NLRP1: variants seen among roughly 807,000 people sequenced by gnomAD.
The protein encoded by NLRP1 is NACHT, LRR and PYD domains-containing protein 1.
Under a neutral mutation model 136.7 loss-of-function variants are expected in NLRP1, and 94 were observed. The observed-to-expected ratio is 0.69, with a 90% CI of 0.58 to 0.82. The LOEUF is 0.82. Ranked by LOEUF, NLRP1 falls within the 40% of genes least tolerant of loss-of-function variation. NLRP1 has a pLI of 0.00. For synonymous variants in NLRP1, 690 were observed against 725.1 expected (o/e 0.95, Z 0.78); for missense variants, 1,575 against 1,802.7 (o/e 0.87, Z 2.29).
Position 5,559,014 on chromosome 17 carries a change from G to A in NLRP1, c.1682C>T (p.Ala561Val). ...CLHYLAQALQ[A>V]QPLGPQLRDL... ...TCTGAGCTGGGGTCCCAATGGCTGAGCTTGGAGAGCCTGGGCAAGGTAATG... is the reference window on the plus strand; with the variant it reads ...TCTGAGCTGGGGTCCCAATGGCTGAACTTGGAGAGCCTGGGCAAGGTAATG... The change falls in exon 4 of 17, where the codon GCT becomes GTT. Residue 561 changes from alanine (A) to valine (V), a missense_variant. Transcript: ENST00000572272. 6.2e-7 allele frequency: 1 copy of A among 1,614,142 alleles called. No individual in the cohort carries two copies. The highest frequency in any genetic ancestry group is 8.5e-7 in the Non-Finnish European group (1 of 1,180,016).
intron 4 of NLRP1, among the ~76,000 whole-genome samples, chr17:5,557,205 A>G (rs72827635): frequency 0.12 from 18,685 of 151,750 alleles, 2,016 homozygotes; most frequent in East Asian, 0.58. Context: ...GGGTTTTGCC[A>G]TGTTGGCCAG....
chr17:5,512,008 G>T, downstream of NLRP1: 1 of 560,754 alleles, frequency 1.8e-6, no homozygotes, highest in Non-Finnish European at 3.3e-6. Context: ...AAGTAACAAT[G>T]AGGTGGTAAC....
intron 9 of NLRP1, 145 bp from the exon 10 acceptor site, chr17:5,533,529 C>G: frequency 1.8e-6 from 1 of 554,174 alleles, no homozygotes; most frequent in Non-Finnish European, 3.2e-6. Context: ...GCACTCCAGC[C>G]TGAACACTAG....
At position 5,581,975 on chromosome 17, in the gene NLRP1, G is replaced by A. The variant is rs749416063; in HGVS notation, c.536C>T (p.Ser179Phe). Residue 179 changes from serine (S) to phenylalanine (F), a missense_variant, in exon 3 of 17, where the codon TCC becomes TTC. Physicochemically the swap from Ser to Phe is radical, Grantham distance 155. Transcript: ENST00000572272. ...TCCCCAGCTCCCCAGCACTGCTGTG[G>A]ATGTGGGGGCGTTGGGTGACTCCTG... ...PSQESPNAPT[S>F]TAVLGSWGSP... The A allele has an allele frequency of 6.2e-7, 1 of 1,613,844 alleles. No homozygotes were observed. The highest frequency in any genetic ancestry group is 2.2e-5 in the East Asian group (1 of 44,870).
In NLRP1 at chr17:5,532,822, C is replaced by A; in HGVS notation, c.3296G>T (p.Arg1099Leu). Residue 1099 changes from arginine to leucine, a missense_variant and splice_region_variant, in exon 11 of 17, where the codon CGA (arginine) becomes CTA (leucine). Arg to Leu is a moderately radical substitution (Grantham distance 102, BLOSUM62 -2). Transcript: ENST00000572272. ...EVVDKEKNLY[R>L]VHFPVAGSYR... ...GGACCAGCAGAGCCCCCTCACTCAC[C>A]GGTACAAGTTCTTTTCTTTGTCAAC... 6.3e-7 allele frequency: 1 copy of A among 1,594,728 alleles called. No homozygotes were observed. Among genetic ancestry groups the A allele is most frequent in the South Asian group, 1.1e-5 (1 of 88,654 alleles).
At chr17:5,540,384 G>C (rs1413114095) in intron 6 of NLRP1, among the ~76,000 whole-genome samples, 1 of 152,184 alleles carries the variant, frequency 6.6e-6, no homozygotes, top group African/African-American at 2.4e-5. Context: ...GGCTCTCTCT[G>C]GGGGTTCTCC....
intron 15 of NLRP1, among the ~76,000 whole-genome samples, chr17:5,506,763 A>G (rs1175751451): frequency 1.3e-5 from 2 of 150,744 alleles, no homozygotes; most frequent in African/African-American, 4.9e-5. Flanking sequence ...TTAGCTGGGC[A>G]TGATGGTCGA....
At chr17:5,528,301 A>G (rs975793417) in intron 12 of NLRP1, among the ~76,000 whole-genome samples, 2 of 152,216 alleles carry the variant, frequency 1.3e-5, no homozygotes, top group Non-Finnish European at 2.9e-5. Context: ...GGGAACAAGT[A>G]ACTTGTCCCA....
intron 14 of NLRP1, chr17:5,518,148 AC>A (rs1245069521): frequency 9.2e-6 from 3 of 324,684 alleles, no homozygotes; most frequent in African/African-American, 6.4e-5. Flanking sequence ...TTCTTCCTTC[AC>A]CTCCCCCATC....
chr17:5,514,886 G>A lies in NLRP1; in HGVS notation c.4290C>T (p.Phe1430=). The change falls in exon 17 of 17, where the codon TTC becomes TTT. Residue 1430 remains phenylalanine, a synonymous_variant. Transcript: ENST00000572272. ...TCCGGTCCCAGGACTGGCTCAAGCTGAACAGCTTCCGCATCTGGCTGGGCC... is the reference window on the plus strand; with the variant it reads ...TCCGGTCCCAGGACTGGCTCAAGCTAAACAGCTTCCGCATCTGGCTGGGCC... The part of the protein sequence containing the change: ...NTRPSQMRKL[F]SLSQSWDRKC... 6.2e-7 allele frequency: 1 copy of A among 1,614,178 alleles called. No homozygotes were observed. The highest frequency in any genetic ancestry group is 1.3e-5 in the African/African-American group (1 of 75,044).
chr17:5,575,949 C>G (rs556031068), intron 3 of NLRP1, among the ~76,000 whole-genome samples: 2 of 152,288 alleles, frequency 1.3e-5, no homozygotes, highest in African/African-American at 4.8e-5. Flanking sequence ...TGCAATCAAA[C>G]TAGAACTCAG....
At chr17:5,540,868 G>T (rs536163395) in intron 6 of NLRP1, among the ~76,000 whole-genome samples, 1 of 152,274 alleles carries the variant, frequency 6.6e-6, no homozygotes, top group African/African-American at 2.4e-5. Flanking sequence ...AGGGACGTGT[G>T]ATGTGTGAAC....
chr17:5,526,196 T>C (rs1156924958), intron 12 of NLRP1, among the ~76,000 whole-genome samples: 2 of 152,164 alleles, frequency 1.3e-5, no homozygotes, highest in Non-Finnish European at 1.5e-5. Context: ...CAGGCTTGTC[T>C]CAGACTCCTG....
intron 2 of NLRP1, among the ~76,000 whole-genome samples, chr17:5,582,403 G>T (rs115569677): frequency 0.018 from 2,776 of 152,158 alleles, 77 homozygotes; most frequent in African/African-American, 0.062. Flanking sequence ...CACGAGTTGG[G>T]CACCCAGTTG....
At position 5,558,843 on chromosome 17, in the gene NLRP1, C is replaced by T; in HGVS notation, c.1853G>A (p.Ser618Asn). 2 of 1,614,194 alleles carry T rather than the reference C, an allele frequency of 1.2e-6. No homozygotes were observed. The highest frequency in any genetic ancestry group is 1.7e-6 in the Non-Finnish European group (2 of 1,180,022). ...GILQEHPIPL[S>N]YSFIHLCFQE... is the part of the protein sequence containing the mutation. ...GAAACAGAGGTGAATGAAGCTGTAG[C>T]TCAGAGGGATGGGGTGCTCTTGAAG... is the stretch of plus-strand genomic sequence containing the variant. Residue 618 changes from serine to asparagine, a missense_variant, in exon 4 of 17, where the codon AGC becomes AAC. Transcript: ENST00000572272.
At chr17:5,512,320 C>T, downstream of NLRP1, 2 of 1,426,742 alleles carry the variant, frequency 1.4e-6, no homozygotes, top group Non-Finnish European at 2.0e-6. Flanking sequence ...AGGACATTCG[C>T]CAAGAGGCGG....
Position 5,558,893 on chromosome 17 carries a change from G to C in NLRP1, c.1803C>G (p.Ile601Met). 1.2e-6 allele frequency: 2 copies of C among 1,614,150 alleles called. No homozygotes were observed. Among genetic ancestry groups the C allele is most frequent in the Non-Finnish European group, 1.7e-6 (2 of 1,179,988 alleles). ...GAATACCCATCTTCAAGAAGGTGGA[G>C]ATGATGGCCCCATCTAACCCATGCT... ...LRKHGLDGAI[I>M]STFLKMGILQ... The change falls in exon 4 of 17, where the codon ATC becomes ATG. Residue 601 changes from isoleucine to methionine, a missense_variant. By Grantham distance (10) the Ile-to-Met change is conservative. Coordinates refer to ENST00000572272, the MANE Select transcript of NLRP1 (RefSeq NM_033004.4).
downstream of NLRP1, among the ~76,000 whole-genome samples, chr17:5,513,656 C>T (rs555575167): frequency 6.6e-6 from 1 of 152,238 alleles, no homozygotes; most frequent in East Asian, 1.9e-4. Context: ...GGCCCCTGTT[C>T]AGCATGAAGC....
At chr17:5,576,238 A>T (rs1296453867) in intron 3 of NLRP1, among the ~76,000 whole-genome samples, 1 of 152,244 alleles carries the variant, frequency 6.6e-6, no homozygotes, top group African/African-American at 2.4e-5. Flanking sequence ...GAGCAAACAC[A>T]TTCAAAAGCT....
Sources: allele counts gnomAD v4.1 joint callset (sites outside exome capture counted in the v4.1 genomes callset), GRCh38; gene constraint gnomAD v4.1.1; transcripts MANE v1.5; gene names NCBI Gene and HGNC (gene_info 2026-07-23, HGNC 2026-07-21).